MMS22L: variants seen among roughly 807,000 people sequenced by gnomAD.
MMS22L encodes MMS22 like, DNA repair protein, also known as protein MMS22-like.
In MMS22L, 74 loss-of-function variants were observed where a neutral mutation model predicts 159.1. The observed-to-expected ratio is 0.47, with a 90% CI of 0.39 to 0.56. The LOEUF is 0.56. Ranked by LOEUF, MMS22L falls within the 20% of genes least tolerant of loss-of-function variation. MMS22L has a pLI of 0.00. For synonymous variants in MMS22L, 517 were observed against 506.9 expected, an observed-to-expected ratio of 1.02 and a Z score of -0.27; for missense variants, 1,351 against 1,422.1, an observed-to-expected ratio of 0.95 and a Z score of 0.80.
intron 14 of MMS22L, among the ~76,000 whole-genome samples, chr6:97,212,614 A>G (rs137988592): frequency 1.4e-4 from 22 of 152,332 alleles, no homozygotes; most frequent in African/African-American, 5.1e-4. Flanking sequence ...ATCATTATAC[A>G]CATTTTACAG....
chr6:97,173,004 G>T, intron 19 of MMS22L, 59 bp downstream of exon 19: 4 of 1,504,506 alleles, frequency 2.7e-6, no homozygotes, highest in Non-Finnish European at 9.0e-7. Flanking sequence ...TATCCATCAT[G>T]ATAGTATAGG....
intron 11 of MMS22L, among the ~76,000 whole-genome samples, chr6:97,245,616 A>T (rs1249851679): frequency 6.6e-6 from 1 of 152,134 alleles, no homozygotes; most frequent in Non-Finnish European, 1.5e-5. Context: ...CAATAAACAA[A>T]ACTTTTACAG....
intron 14 of MMS22L, among the ~76,000 whole-genome samples, chr6:97,197,121 C>G (rs1806611178): frequency 6.6e-6 from 1 of 152,112 alleles, no homozygotes; most frequent in Admixed American, 6.6e-5. Flanking sequence ...TCACAAGATG[C>G]CTTCAAGGAA....
At chr6:97,226,057 T>G (rs1810210824) in intron 14 of MMS22L, among the ~76,000 whole-genome samples, 1 of 152,160 alleles carries the variant, frequency 6.6e-6, no homozygotes, top group African/African-American at 2.4e-5. Context: ...TAAGAATTAA[T>G]CTATAGGTAT....
intron 11 of MMS22L, among the ~76,000 whole-genome samples, chr6:97,240,882 C>G (rs1289829327): frequency 1.2e-4 from 18 of 152,292 alleles, no homozygotes; most frequent in African/African-American, 4.1e-4. Context: ...CTGCCTTGGC[C>G]TCCCAAAGTG....
chr6:97,175,058 G>A (rs574766310), intron 18 of MMS22L, among the ~76,000 whole-genome samples: 8 of 152,204 alleles, frequency 5.3e-5, no homozygotes, highest in East Asian at 1.9e-4. Flanking sequence ...AAAAATGGAG[G>A]ATCTTGAAGA....
chr6:97,281,217 A>G lies in MMS22L; in HGVS notation c.290+20T>C, dbSNP rs777238524. Reference sequence around the variant, plus strand: ...AGTGAACAACACCTACACTCACAGAAAGTTATAACGAAGAAATACCTGAAT... The same window carrying G: ...AGTGAACAACACCTACACTCACAGAGAGTTATAACGAAGAAATACCTGAAT... On this transcript the variant is annotated intron_variant, in intron 3 of 24. Coordinates refer to ENST00000683635, the MANE Select transcript of MMS22L (RefSeq NM_001350599.2). The G allele has an allele frequency of 1.3e-6, 2 of 1,594,092 alleles. No individual in the cohort carries two copies. The highest frequency in any genetic ancestry group is 1.7e-6 in the Non-Finnish European group (2 of 1,173,568).
At chr6:97,151,598 T>G (rs1030947455) in intron 23 of MMS22L, 173 bp downstream of exon 23, 1 of 545,852 alleles carries the variant, frequency 1.8e-6, no homozygotes. Flanking sequence ...GGCACTTTTA[T>G]TTTTCAATAA....
intron 3 of MMS22L, among the ~76,000 whole-genome samples, chr6:97,279,317 A>C: frequency 6.6e-6 from 1 of 151,404 alleles, no homozygotes; most frequent in Non-Finnish European, 1.5e-5. Context: ...CCCCGTCTCT[A>C]CTAAAAATAC....
intron 4 of MMS22L, among the ~76,000 whole-genome samples, chr6:97,273,340 G>C (rs1383057273): frequency 6.6e-6 from 1 of 152,096 alleles, no homozygotes; most frequent in Admixed American, 6.5e-5. Flanking sequence ...GCCAGATAAT[G>C]AGTCTTCTTT....
chr6:97,267,654 AAAAAAG>A, intron 8 of MMS22L: 2 of 302,654 alleles, frequency 6.6e-6, no homozygotes, highest in Non-Finnish European at 1.2e-5. Flanking sequence ...AAAAAAAAAA[AAAAAAG>A]AAAAAAAGAA....
chr6:97,236,253 C>T (rs1392853794), intron 11 of MMS22L, among the ~76,000 whole-genome samples: 3 of 148,308 alleles, frequency 2.0e-5, no homozygotes, highest in Non-Finnish European at 4.4e-5. Context: ...CGCTTGAACC[C>T]GGGAGGAGCC....
At chr6:97,190,388 C>G (rs568857093) in intron 14 of MMS22L, among the ~76,000 whole-genome samples, 1 of 152,142 alleles carries the variant, frequency 6.6e-6, no homozygotes, top group East Asian at 1.9e-4. Context: ...CAACACTTGG[C>G]AATTGTTTTA....
At chr6:97,279,276 G>C (rs1816529121) in intron 3 of MMS22L, among the ~76,000 whole-genome samples, 1 of 151,966 alleles carries the variant, frequency 6.6e-6, no homozygotes, top group Admixed American at 6.5e-5. Flanking sequence ...GAGGTCAGGA[G>C]ATCGTGACCA....
intron 9 of MMS22L, among the ~76,000 whole-genome samples, chr6:97,256,770 G>T (rs1374645519): frequency 6.6e-6 from 1 of 152,052 alleles, no homozygotes; most frequent in Non-Finnish European, 1.5e-5. Flanking sequence ...GGGCAGACCA[G>T]TGAGACCCTG....
chr6:97,252,629 AGT>A (rs1158074839), intron 10 of MMS22L, among the ~76,000 whole-genome samples: 1 of 149,992 alleles, frequency 6.7e-6, no homozygotes, highest in Non-Finnish European at 1.5e-5. Context: ...TGGGTGACAG[AGT>A]GAGACTCCAT....
At chr6:97,149,708 C>G (rs3818845) in intron 24 of MMS22L, 145 bp downstream of exon 24, 23,173 of 736,304 alleles carry the variant, frequency 0.031, 1,758 homozygotes, top group East Asian at 0.24. Flanking sequence ...CTTTGTAAAA[C>G]TGATAATCAC....
Position 97,231,450 on chromosome 6 carries a change from T to G in MMS22L, c.1505A>C (p.His502Pro). The G allele has an allele frequency of 6.2e-7, 1 of 1,613,594 alleles. No individual in the cohort carries two copies. The highest frequency in any genetic ancestry group is 1.1e-5 in the South Asian group (1 of 91,040). ...VKKAMKSNGP[H>P]PWKQVKGRIY... Reference sequence around the variant, plus strand: ...CCTTCCTTTGACTTGTTTCCAAGGATGAGGGCCATTGCTCTTCATTGCTTT... The same window carrying G: ...CCTTCCTTTGACTTGTTTCCAAGGAGGAGGGCCATTGCTCTTCATTGCTTT... Residue 502 changes from histidine to proline, a missense_variant, in exon 13 of 25, where the codon CAT (histidine) becomes CCT (proline). His to Pro is a moderately conservative substitution (Grantham distance 77). Transcript: ENST00000683635.
intron 12 of MMS22L, among the ~76,000 whole-genome samples, chr6:97,231,905 A>G (rs1235966096): frequency 2.0e-5 from 3 of 152,200 alleles, no homozygotes; most frequent in East Asian, 1.9e-4. Flanking sequence ...AACAAGATCC[A>G]TACATTGCAT....
Sources: gnomAD v4.1 joint callset for allele counts (sites outside exome capture counted in the v4.1 genomes callset) on GRCh38, gnomAD v4.1.1 for gene constraint, MANE v1.5 for transcripts, NCBI Gene and HGNC (gene_info 2026-07-23, HGNC 2026-07-21) for gene names.